The following ENTPD5 variants were observed in gnomAD, a reference collection of about 807,000 sequenced individuals.
The protein encoded by ENTPD5 is ectonucleoside triphosphate diphosphohydrolase 5 (inactive).
A neutral mutation model predicts 60.2 loss-of-function variants in ENTPD5; 49 were observed. That is an observed-to-expected ratio of 0.81 (90% CI 0.65 to 1.03). The LOEUF is 1.03. Among genes scored for constraint, ENTPD5 ranks in the 50% least tolerant of loss-of-function variants. The pLI, the probability that ENTPD5 is intolerant of heterozygous loss-of-function variation, is 0.00. For synonymous variants in ENTPD5, 187 were observed against 185.4 expected (o/e 1.01, Z -0.07); for missense variants, 480 against 507.6 (o/e 0.95, Z 0.52).
chr14:73,977,203 A>G (rs2057480635), intron 7 of ENTPD5, 96 bp downstream of exon 7: 1 of 1,237,742 alleles, frequency 8.1e-7, no homozygotes, highest in Admixed American at 1.9e-5. Context: ...CTGCTATCTC[A>G]TTCCTTCTGT....
chr14:74,008,452 G>A (rs367865458), intron 3 of ENTPD5, among the ~76,000 whole-genome samples: 25 of 150,090 alleles, frequency 1.7e-4, no homozygotes, highest in African/African-American at 5.6e-4. Flanking sequence ...GCAGTGGCAC[G>A]ATCTTGGCTC....
At position 73,991,879 on chromosome 14, in the gene ENTPD5, A is replaced by C. The variant is rs2012788; in HGVS notation, c.-70-3707T>G. ...AAAATTTTTTTTTAAATAGCCTGTA[A>C]TCCCAGCTACTCGGGAGCCTGAGGC... On this transcript the variant is annotated intron_variant, in intron 3 of 15. Transcript: ENST00000334696. Among the ~76,000 whole-genome samples the C allele has an allele frequency of 5.6e-3, 853 of 151,172 alleles. 8 individuals carry two copies. Among genetic ancestry groups the C allele is most frequent in the African/African-American group, 0.019 (784 of 41,296 alleles).
chr14:73,995,912 C>T (rs2058327384), intron 3 of ENTPD5, among the ~76,000 whole-genome samples: 2 of 152,068 alleles, frequency 1.3e-5, no homozygotes, highest in South Asian at 2.1e-4. Flanking sequence ...TTTGTTGAGA[C>T]TCTGGTGCCA....
At chr14:73,986,937 A>G in intron 4 of ENTPD5, 44 bp from the exon 5 acceptor site, 1 of 1,481,972 alleles carries the variant, frequency 6.7e-7, no homozygotes, top group South Asian at 1.1e-5. Flanking sequence ...GCTGGTTACC[A>G]AAAGTTAGGC....
downstream of ENTPD5, chr14:73,957,906 T>C (rs1429422214): frequency 2.1e-6 from 1 of 481,498 alleles, no homozygotes; most frequent in African/African-American, 2.0e-5. Context: ...ATGTGGACAG[T>C]AAGAAAGAGT....
At chr14:73,972,386 A>G (rs1566713282) in intron 13 of ENTPD5, among the ~76,000 whole-genome samples, 1 of 152,056 alleles carries the variant, frequency 6.6e-6, no homozygotes, top group African/African-American at 2.4e-5. Flanking sequence ...AAAACAAACA[A>G]ACAAACAAAA....
chr14:73,965,304 G>A lies in ENTPD5; in HGVS notation c.*1624C>T, dbSNP rs1309333303. ...ACGGAGTCTACTGTGAAAGCCACAAGTTTTGGGGAAATACACTCCTGCAAA... is the reference window on the plus strand; with the variant it reads ...ACGGAGTCTACTGTGAAAGCCACAAATTTTGGGGAAATACACTCCTGCAAA... On this transcript the variant is annotated 3_prime_UTR_variant, in exon 16 of 16. Coordinates refer to ENST00000334696, the MANE Select transcript of ENTPD5 (RefSeq NM_001249.5). 1 of 152,192 alleles carries A rather than the reference G, an allele frequency of 6.6e-6. No individual in the cohort carries two copies. The highest frequency in any genetic ancestry group is 1.5e-5 in the Non-Finnish European group (1 of 68,048). The allele number at this position is 152,192 out of a possible 1,614,324, so 9.4% of individuals were successfully genotyped here. A position where few individuals can be genotyped will look rare whatever the true frequency, so the allele number is the denominator to read the frequency against.
intron 5 of ENTPD5, among the ~76,000 whole-genome samples, chr14:73,984,557 A>C (rs2057822064): frequency 6.6e-6 from 1 of 152,172 alleles, no homozygotes; most frequent in African/African-American, 2.4e-5. Flanking sequence ...CCCTGAATGA[A>C]CTTCTATTCT....
chr14:74,004,022 T>A (rs923337378), intron 3 of ENTPD5, among the ~76,000 whole-genome samples: 1 of 152,044 alleles, frequency 6.6e-6, no homozygotes, highest in African/African-American at 2.4e-5. Flanking sequence ...GAAGGATCAC[T>A]TAAGCCCAGG....
intron 15 of ENTPD5, among the ~76,000 whole-genome samples, chr14:73,968,370 A>G (rs945996672): frequency 2.0e-5 from 3 of 151,958 alleles, no homozygotes; most frequent in East Asian, 1.9e-4. Flanking sequence ...CAGGCCCCCA[A>G]TCTCTGCTTC....
At chr14:73,985,545 G>C (rs561466588) in intron 5 of ENTPD5, among the ~76,000 whole-genome samples, 261 of 152,236 alleles carry the variant, frequency 1.7e-3, no homozygotes, top group Non-Finnish European at 3.4e-3. Context: ...GTCTTCTTTT[G>C]AGAAGTGTCT....
downstream of ENTPD5, chr14:73,956,007 C>T: frequency 6.3e-7 from 1 of 1,589,122 alleles, no homozygotes; most frequent in Non-Finnish European, 8.6e-7. Flanking sequence ...ATCTCTTTTA[C>T]AATATTCAGT....
intron 13 of ENTPD5, 129 bp downstream of exon 13, chr14:73,972,755 T>C (rs2057279533): frequency 9.2e-7 from 1 of 1,090,626 alleles, no homozygotes; most frequent in East Asian, 2.4e-5. Flanking sequence ...TCCACCCTTT[T>C]GTTCGAGTGA....
downstream of ENTPD5, chr14:73,960,163 A>G: frequency 1.0e-6 from 1 of 988,260 alleles, no homozygotes; most frequent in Non-Finnish European, 1.2e-6. Flanking sequence ...ATTCATTGAA[A>G]GTATTCCTAG....
chr14:74,001,305 A>T (rs988414042), intron 3 of ENTPD5, among the ~76,000 whole-genome samples: 10 of 152,152 alleles, frequency 6.6e-5, no homozygotes, highest in Admixed American at 5.9e-4. Flanking sequence ...GATCGAGACC[A>T]TCCTGGTTAA....
At chr14:73,990,353 GA>G (rs2058079873) in intron 3 of ENTPD5, among the ~76,000 whole-genome samples, 1 of 149,948 alleles carries the variant, frequency 6.7e-6, no homozygotes, top group Admixed American at 6.7e-5. Flanking sequence ...ATCTTTTTTT[GA>G]GACAGGGTCT....
intron 3 of ENTPD5, among the ~76,000 whole-genome samples, chr14:73,997,089 A>T (rs765605179): frequency 2.0e-5 from 3 of 152,116 alleles, no homozygotes; most frequent in Non-Finnish European, 4.4e-5. Context: ...TGAAGGTGGG[A>T]TGGGACTGGG....
chr14:73,962,932 T>C (rs1555359130), downstream of ENTPD5: 2 of 1,518,160 alleles, frequency 1.3e-6, no homozygotes, highest in East Asian at 2.3e-5. Context: ...TTCACCTTAC[T>C]GTGTTAAGAG....
intron 1 of ENTPD5, among the ~76,000 whole-genome samples, chr14:74,016,367 C>T (rs1021638487): frequency 2.6e-5 from 4 of 152,068 alleles, no homozygotes; most frequent in African/African-American, 4.8e-5. Context: ...CCAAGTGTGG[C>T]GACTCATGCC....
Sources: allele counts gnomAD v4.1 joint callset (sites outside exome capture counted in the v4.1 genomes callset), GRCh38; gene constraint gnomAD v4.1.1; transcripts MANE v1.5; gene names NCBI Gene and HGNC (gene_info 2026-07-23, HGNC 2026-07-21).